XIRP2: variants seen among roughly 807,000 people sequenced by gnomAD.
The protein encoded by XIRP2 is xin actin binding repeat containing 2.
XIRP2 carries 236 observed loss-of-function variants against 277.0 expected under a neutral mutation model. That is an observed-to-expected ratio of 0.85 (90% CI 0.77 to 0.95). The LOEUF (loss-of-function observed/expected upper bound fraction) is 0.95. Among genes scored for constraint, XIRP2 ranks in the 40% least tolerant of loss-of-function variants. XIRP2 has a pLI of 0.00. For synonymous variants in XIRP2, 1,490 were observed against 1,416.5 expected (o/e 1.05, Z -1.17); for missense variants, 4,640 against 4,157.5 (o/e 1.12, Z -3.19).
rs59857626 is a variant in XIRP2, at chr2:167,037,518, GGTGTGT to G, written c.409-98356_409-98351del. Among the ~76,000 whole-genome samples the G allele has an allele frequency of 8.5e-4, 107 of 126,448 alleles. 1 individual carries two copies. The highest frequency in any genetic ancestry group is 1.4e-3 in the South Asian group (6 of 4,242). 83.0% of individuals were successfully genotyped at this position (126,448 alleles called of 152,430 possible). ...TGGCTTGAGGTTTTTTCATGTGGGG[GGTGTGT>G]GTGTGTGTGTGTGTGTGTGTGTGTG... On this transcript the variant is annotated intron_variant, in intron 2 of 10. Coordinates refer to ENST00000409195, the MANE Select transcript of XIRP2 (RefSeq NM_152381.6).
intron 2 of XIRP2, among the ~76,000 whole-genome samples, chr2:166,970,568 A>C (rs546726104): frequency 6.6e-6 from 1 of 152,002 alleles, no homozygotes; most frequent in Admixed American, 6.6e-5. Flanking sequence ...AATATCATGA[A>C]CTATTCTCAT....
At chr2:167,199,420 C>T (rs1328848458) in intron 3 of XIRP2, among the ~76,000 whole-genome samples, 1 of 152,160 alleles carries the variant, frequency 6.6e-6, no homozygotes, top group African/African-American at 2.4e-5. Flanking sequence ...TGAATGCCAA[C>T]AGCATACTTG....
rs373674706 is a variant in XIRP2, at chr2:167,100,040, G to A, written c.409-35869G>A. On this transcript the variant is annotated intron_variant, in intron 2 of 10. Transcript: ENST00000409195. Reference sequence around the variant, plus strand: ...CATTTATTCCTCACAACGACACTGAGAAAAACTGAAGACAAACGAAATTTC... The same window carrying A: ...CATTTATTCCTCACAACGACACTGAAAAAAACTGAAGACAAACGAAATTTC... 5.3e-5 allele frequency among the ~76,000 whole-genome samples: 8 copies of A among 151,638 alleles called. No homozygotes were observed. The East Asian group carries it at 1.6e-3, about 30-fold the overall frequency.
chr2:166,998,240 A>G (rs2105451521), intron 2 of XIRP2, among the ~76,000 whole-genome samples: 1 of 152,332 alleles, frequency 6.6e-6, no homozygotes, highest in East Asian at 1.9e-4. Context: ...CATGTACTGC[A>G]CATGTATCCC....
At chr2:166,984,703 G>A (rs1445260097) in intron 2 of XIRP2, among the ~76,000 whole-genome samples, 5 of 152,178 alleles carry the variant, frequency 3.3e-5, no homozygotes, top group Non-Finnish European at 5.9e-5. Flanking sequence ...GAAGCAAAAT[G>A]TGGTTCTAAT....
intron 1 of XIRP2, among the ~76,000 whole-genome samples, chr2:166,889,075 A>G (rs1037271415): frequency 1.3e-5 from 2 of 152,102 alleles, no homozygotes; most frequent in African/African-American, 4.8e-5. Context: ...CCCATTCTGA[A>G]TAAGCATTCA....
intron 5 of XIRP2, among the ~76,000 whole-genome samples, chr2:167,219,506 G>C (rs1694360288): frequency 6.6e-6 from 1 of 152,200 alleles, no homozygotes; most frequent in African/African-American, 2.4e-5. Context: ...ATGGACTATG[G>C]GGCTTGTGGA....
At chr2:167,223,909 C>T (rs1011546696) in intron 5 of XIRP2, among the ~76,000 whole-genome samples, 7 of 152,146 alleles carry the variant, frequency 4.6e-5, no homozygotes, top group Non-Finnish European at 1.0e-4. Flanking sequence ...GTGTTATAAT[C>T]CCCTGAGTTA....
At chr2:167,052,531 A>T (rs375135755) in intron 2 of XIRP2, among the ~76,000 whole-genome samples, 10 of 152,212 alleles carry the variant, frequency 6.6e-5, no homozygotes, top group African/African-American at 2.4e-4. Context: ...TGAATCAGTT[A>T]ACCCACAGGA....
intron 3 of XIRP2, among the ~76,000 whole-genome samples, chr2:167,151,133 T>C (rs1425565756): frequency 5.3e-5 from 8 of 152,110 alleles, no homozygotes; most frequent in Non-Finnish European, 8.8e-5. Context: ...ATTAATTCAA[T>C]GTTTGTTCAT....
chr2:167,026,716 C>T (rs933411990), intron 2 of XIRP2, among the ~76,000 whole-genome samples: 16 of 152,108 alleles, frequency 1.1e-4, no homozygotes, highest in African/African-American at 3.9e-4. Context: ...ACATATGAAG[C>T]TTAGTTTGGG....
At chr2:167,064,986 G>T (rs549717051) in intron 2 of XIRP2, among the ~76,000 whole-genome samples, 4 of 151,924 alleles carry the variant, frequency 2.6e-5, no homozygotes, top group African/African-American at 9.6e-5. Context: ...ATATGTTCAA[G>T]AACTTACTTT....
intron 2 of XIRP2, among the ~76,000 whole-genome samples, chr2:167,106,928 T>G (rs1690633062): frequency 1.3e-5 from 2 of 151,190 alleles, no homozygotes; most frequent in South Asian, 4.1e-4. Context: ...ATAATAATAA[T>G]AAATGATATT....
rs1695785676 is a variant in XIRP2 at position 167,259,541 on chromosome 2, A to G, written c.*1724A>G. The stretch of plus-strand genomic sequence containing the variant: ...ATTACACCTTGTCATTTTTTTCACA[A>G]TTTATTTACATCTACTTTTGTTTGA... On this transcript the variant is annotated 3_prime_UTR_variant, in exon 11 of 11. Coordinates refer to ENST00000409195, the MANE Select transcript of XIRP2 (RefSeq NM_152381.6). 1 of 561,426 alleles carries G rather than the reference A, an allele frequency of 1.8e-6. No individual in the cohort carries two copies. The highest frequency in any genetic ancestry group is 3.1e-5 in the East Asian group (1 of 32,198). The allele number at this position is 561,426 out of a possible 1,614,324, so 34.8% of individuals were successfully genotyped here.
intron 2 of XIRP2, among the ~76,000 whole-genome samples, chr2:166,936,045 C>T (rs1397713969): frequency 2.0e-5 from 3 of 152,160 alleles, no homozygotes; most frequent in African/African-American, 4.8e-5. Flanking sequence ...AAAAGTGTTC[C>T]TATTTCTCCA....
chr2:167,153,974 G>A (rs532757681), intron 3 of XIRP2, among the ~76,000 whole-genome samples: 1 of 151,180 alleles, frequency 6.6e-6, no homozygotes, highest in Non-Finnish European at 1.5e-5. Flanking sequence ...GATCCCTGAG[G>A]AATCGCCACA....
At chr2:167,089,537 A>G (rs1224520799) in intron 2 of XIRP2, among the ~76,000 whole-genome samples, 1 of 152,172 alleles carries the variant, frequency 6.6e-6, no homozygotes, top group Non-Finnish European at 1.5e-5. Context: ...GAGGGTCAAG[A>G]TTTAATAAAA....
chr2:166,907,359 A>G (rs1441523019), intron 2 of XIRP2, among the ~76,000 whole-genome samples: 3 of 152,218 alleles, frequency 2.0e-5, no homozygotes. Context: ...GTAATTTGTC[A>G]ATAGCATTTG....
At position 167,248,693 on chromosome 2, in the gene XIRP2, A is replaced by T; in HGVS notation, c.7301A>T (p.Lys2434Ile). The change falls in exon 9 of 11, where the codon AAA becomes ATA. Residue 2434 changes from lysine to isoleucine, a missense_variant. By Grantham distance (102) the Lys-to-Ile change is moderately radical. Transcript: ENST00000409195. ...LPKPKLPKHI[K>I]DNKNDFSPKV... ...AAACCCAAACTTCCCAAGCATATAA[A>T]AGATAATAAGAACGATTTTTCCCCC... The T allele has an allele frequency of 6.2e-7, 1 of 1,613,776 alleles. No homozygotes were observed.
Sources: allele counts gnomAD v4.1 joint callset (sites outside exome capture counted in the v4.1 genomes callset), GRCh38; gene constraint gnomAD v4.1.1; transcripts MANE v1.5; gene names NCBI Gene and HGNC (gene_info 2026-07-23, HGNC 2026-07-21).